PDZD2: variants seen among roughly 807,000 people sequenced by gnomAD.
PDZD2 encodes the protein PDZ domain containing 2.
Under a neutral mutation model 220.7 loss-of-function variants are expected in PDZD2, and 90 were observed. That is an observed-to-expected ratio of 0.41 (90% CI 0.34 to 0.49). PDZD2 has a LOEUF of 0.49. PDZD2 is among the 20% of genes least tolerant of loss of function. The pLI, the probability that PDZD2 is intolerant of heterozygous loss-of-function variation, is 0.28. For synonymous variants in PDZD2, 1,375 were observed against 1,450.5 expected, an observed-to-expected ratio of 0.95 and a Z score of 1.18; for missense variants, 3,174 against 3,608.5, an observed-to-expected ratio of 0.88 and a Z score of 3.08.
rs140493734 is a variant in PDZD2 at position 31,799,556 on chromosome 5, G to A, written c.308G>A (p.Gly103Asp). 1.4e-5 allele frequency: 23 copies of A among 1,614,026 alleles called. No individual in the cohort carries two copies. Among genetic ancestry groups the A allele is most frequent in the Non-Finnish European group, 1.9e-5 (22 of 1,180,002 alleles). Residue 103 changes from glycine (G) to aspartate (D), a missense_variant, in exon 2 of 25, where the codon GGC becomes GAC. By Grantham distance (94) the Gly-to-Asp change is moderately conservative. Transcript: ENST00000438447. ...GACTATGGTGAAAAGCGCAGGGGGG[G>A]CAAGAAGAGGAAAACCCACCAGGGT... Reference protein sequence around the residue: ...FGDYGEKRRGGKKRKTHQGPV... With the variant: ...FGDYGEKRRGDKKRKTHQGPV...
At chr5:31,825,989 TG>T (rs1344023703) in intron 2 of PDZD2, among the ~76,000 whole-genome samples, 1 of 152,128 alleles carries the variant, frequency 6.6e-6, no homozygotes, top group African/African-American at 2.4e-5. Context: ...TTACAGCTCC[TG>T]ATGCGAACCA....
chr5:31,894,027 TG>T (rs1012121621), intron 2 of PDZD2, among the ~76,000 whole-genome samples: 2 of 149,204 alleles, frequency 1.3e-5, no homozygotes, highest in African/African-American at 4.9e-5. Flanking sequence ...CCCGAGTAGC[TG>T]GGATTACAGG....
In PDZD2 at chr5:31,817,068, C is replaced by T. The variant is rs563630125; in HGVS notation, c.476+17344C>T. On this transcript the variant is annotated intron_variant, in intron 2 of 24. Coordinates refer to ENST00000438447, the MANE Select transcript of PDZD2 (RefSeq NM_178140.4). ...GGGCATGGTGACGGGTGCCTGTAGT[C>T]CCAGCTACTCAAGAGGCTGAGGCAG... Among the ~76,000 whole-genome samples the T allele has an allele frequency of 2.6e-5, 4 of 152,116 alleles. No individual in the cohort carries two copies. In the South Asian group the frequency reaches 8.3e-4, roughly 32 times the overall value.
At chr5:31,748,227 C>T (rs1264689537) in intron 1 of PDZD2, 2 of 149,710 alleles carry the variant, frequency 1.3e-5, no homozygotes, top group African/African-American at 4.9e-5. Flanking sequence ...CCTTGACCTA[C>T]CACGACATAT....
intron 6 of PDZD2, among the ~76,000 whole-genome samples, chr5:32,016,618 C>T (rs1017899107): frequency 2.0e-5 from 3 of 152,178 alleles, no homozygotes; most frequent in African/African-American, 7.2e-5. Flanking sequence ...TAGGCTGCTT[C>T]TATGGGCAGT....
chr5:31,968,666 C>T (rs60535570), intron 2 of PDZD2, among the ~76,000 whole-genome samples: 4,126 of 149,244 alleles, frequency 0.028, 170 homozygotes, highest in African/African-American at 0.095. Flanking sequence ...AAAAAACAAA[C>T]AAACAAACAA....
At chr5:31,703,954 TCTTTCTCTCTCTC>T (rs1747708386) in intron 1 of PDZD2, among the ~76,000 whole-genome samples, 2 of 130,294 alleles carry the variant, frequency 1.5e-5, no homozygotes, top group African/African-American at 2.6e-5. Flanking sequence ...TCTTTCTCTC[TCTTTCTCTCTCTC>T]TCTCTCTCTT....
intron 6 of PDZD2, among the ~76,000 whole-genome samples, chr5:32,029,533 G>A (rs1754962507): frequency 2.0e-5 from 3 of 151,864 alleles, no homozygotes; most frequent in East Asian, 1.9e-4. Context: ...CCTTTCCCCT[G>A]CAAGTCCTGT....
intron 1 of PDZD2, among the ~76,000 whole-genome samples, chr5:31,674,107 C>G (rs1484200161): frequency 6.6e-6 from 1 of 152,178 alleles, no homozygotes; most frequent in East Asian, 1.9e-4. Flanking sequence ...CCTCCAGAAC[C>G]ATGAGAAATA....
chr5:31,976,895 T>G (rs1356201615), intron 2 of PDZD2, among the ~76,000 whole-genome samples: 2 of 151,874 alleles, frequency 1.3e-5, no homozygotes, highest in Non-Finnish European at 2.9e-5. Flanking sequence ...TTTTTGTATT[T>G]TTAGTAGAGA....
In PDZD2 at chr5:32,107,995, A is replaced by G. The variant is rs1744960372; in HGVS notation, c.8380A>G (p.Ile2794Val). 6.2e-7 allele frequency: 1 copy of G among 1,613,526 alleles called. No individual in the cohort carries two copies. The change falls in exon 25 of 25, where the codon ATA becomes GTA. Residue 2794 changes from isoleucine to valine, a missense_variant. Around this residue, in one of 4 missense-constraint regions of PDZD2, gnomAD observed 631 missense variants for 789.9 expected, o/e 0.80. Coordinates refer to ENST00000438447, the MANE Select transcript of PDZD2 (RefSeq NM_178140.4). ...KGGAAEQAGIIEAGDEILAIN... is the reference protein window; with the variant it reads ...KGGAAEQAGIVEAGDEILAIN... ...TGGTGCGGCTGAACAAGCTGGAATA[A>G]TAGAAGCTGGAGATGAAATTCTTGC... is the stretch of plus-strand genomic sequence containing the variant.
chr5:31,675,145 GAT>G (rs3031724), intron 1 of PDZD2, among the ~76,000 whole-genome samples: 15,399 of 152,212 alleles, frequency 0.1, 794 homozygotes, highest in East Asian at 0.15. Flanking sequence ...TCTAAAAGAT[GAT>G]AGATAACAGG....
rs113250820 is a variant in PDZD2, at chr5:31,753,429, C to G, written c.-360-45460C>G. 1.7e-3 allele frequency among the ~76,000 whole-genome samples: 265 copies of G among 152,248 alleles called. 1 individual carries two copies. Among genetic ancestry groups the G allele is most frequent in the African/African-American group, 5.8e-3 (242 of 41,532 alleles). On this transcript the variant is annotated intron_variant, in intron 1 of 24. Transcript: ENST00000438447. The stretch of plus-strand genomic sequence containing the variant: ...ACCAGCCTAGCCAACATGGCAAAAC[C>G]CTATCTCTACAAATACAAAAATTAG...
chr5:31,719,504 A>C (rs990388678), intron 1 of PDZD2, among the ~76,000 whole-genome samples: 1 of 152,166 alleles, frequency 6.6e-6, no homozygotes, highest in Non-Finnish European at 1.5e-5. Context: ...AAACTGACAA[A>C]ACTCCTTGTA....
At chr5:31,740,464 G>A (rs559696739) in intron 1 of PDZD2, among the ~76,000 whole-genome samples, 5 of 145,088 alleles carry the variant, frequency 3.4e-5, no homozygotes, top group African/African-American at 1.3e-4. Flanking sequence ...GGCGGAGCTT[G>A]CAGTGAGCCG....
At chr5:32,056,189 ATTGGTTATGCCAGATTT>A (rs2112322073) in intron 10 of PDZD2, among the ~76,000 whole-genome samples, 1 of 152,342 alleles carries the variant, frequency 6.6e-6, no homozygotes, top group South Asian at 2.1e-4. Flanking sequence ...TAATTGAGTA[ATTGGTTATGCCAGATTT>A]TTAAACAGAG....
rs958203585 is a variant in PDZD2 at position 32,073,917 on chromosome 5, G to A, written c.2811G>A (p.Val937=). 3.7e-5 allele frequency: 59 copies of A among 1,613,998 alleles called. No homozygotes were observed. Among genetic ancestry groups the A allele is most frequent in the Non-Finnish European group, 4.8e-5 (57 of 1,180,010 alleles). Reference sequence around the variant, plus strand: ...CTTCTGGGCTCTTCCACAAGCAGGTGACAGTTGCCAGACAAGCCAGTCTCC... The same window carrying A: ...CTTCTGGGCTCTTCCACAAGCAGGTAACAGTTGCCAGACAAGCCAGTCTCC... ...HRASGLFHKQ[V]TVARQASLPG... Residue 937 remains valine, a synonymous_variant, in exon 18 of 25, where the codon GTG becomes GTA. Transcript: ENST00000438447.
At chr5:32,081,577 C>A (rs1426372560) in intron 19 of PDZD2, among the ~76,000 whole-genome samples, 1 of 152,142 alleles carries the variant, frequency 6.6e-6, no homozygotes, top group African/African-American at 2.4e-5. Context: ...TTAGGTATTT[C>A]TCTCTCCTTC....
intron 2 of PDZD2, among the ~76,000 whole-genome samples, chr5:31,846,073 A>G (rs1443784508): frequency 1.3e-5 from 2 of 152,186 alleles, no homozygotes; most frequent in African/African-American, 4.8e-5. Context: ...CTGGGGAACT[A>G]TGTCAAATGG....
Sources: gnomAD v4.1 joint callset for allele counts (sites outside exome capture counted in the v4.1 genomes callset) on GRCh38, gnomAD v4.1.1 for gene constraint, gnomAD v4.1.1 regional missense constraint, MANE v1.5 for transcripts, NCBI Gene and HGNC (gene_info 2026-07-23, HGNC 2026-07-21) for gene names.